The following PHC3 variants were observed in gnomAD, a reference collection of about 807,000 sequenced individuals.
PHC3 encodes polyhomeotic-like protein 3.
PHC3 carries 13 observed loss-of-function variants against 107.4 expected under a neutral mutation model. The ratio of observed to expected loss-of-function variants is 0.12; its 90% CI spans 0.08 to 0.19. PHC3 has a LOEUF of 0.19. Among genes scored for constraint, PHC3 ranks in the 10% least tolerant of loss-of-function variants. The pLI is 1.00. For synonymous variants in PHC3, 456 were observed against 427.4 expected (o/e 1.07, Z -0.83); for missense variants, 992 against 1,210.9 (o/e 0.82, Z 2.68).
intron 12 of PHC3, among the ~76,000 whole-genome samples, chr3:170,106,291 C>T (rs1310776712): frequency 4.6e-5 from 7 of 152,070 alleles, no homozygotes; most frequent in Non-Finnish European, 1.0e-4. Flanking sequence ...TCAGAAAAGA[C>T]AAGTATTTTG....
Position 170,176,205 on chromosome 3 carries a change from G to A in PHC3, c.180+2568C>T, listed in dbSNP as rs370894329. On this transcript the variant is annotated intron_variant, in intron 2 of 14. Coordinates refer to ENST00000495893, the MANE Select transcript of PHC3 (RefSeq NM_024947.4). ...CACGCCACCGCACTCCAGCCTGGGCGATAGAGCGAGACTCGGTCTCAAAAA... is the reference window on the plus strand; with the variant it reads ...CACGCCACCGCACTCCAGCCTGGGCAATAGAGCGAGACTCGGTCTCAAAAA... Among the ~76,000 whole-genome samples the A allele has an allele frequency of 1.1e-3, 145 of 135,418 alleles. 4 individuals are homozygous for A. The East Asian group carries it at 0.025, about 24-fold the overall frequency. The allele number at this position is 135,418 out of a possible 152,430, so 88.8% of individuals were successfully genotyped here.
At chr3:170,166,940 C>A (rs550009508) in intron 4 of PHC3, among the ~76,000 whole-genome samples, 1 of 152,276 alleles carries the variant, frequency 6.6e-6, no homozygotes, top group Admixed American at 6.5e-5. Flanking sequence ...CAAGCATGAG[C>A]CACCATTCTC....
intron 6 of PHC3, 22 bp downstream of exon 6, chr3:170,145,401 T>C (rs1430340773): frequency 1.3e-6 from 2 of 1,592,248 alleles, no homozygotes; most frequent in East Asian, 2.2e-5. Context: ...AAGTAACACA[T>C]TATGAAGCTA....
chr3:170,117,002 A>T (rs1489654699), intron 10 of PHC3: 1 of 526,054 alleles, frequency 1.9e-6, no homozygotes, highest in Admixed American at 3.3e-5. Context: ...ATGTCCTGAA[A>T]TTTTTTTCAT....
chr3:170,174,155 T>G (rs1022622041), intron 2 of PHC3, among the ~76,000 whole-genome samples: 2 of 151,648 alleles, frequency 1.3e-5, no homozygotes, highest in African/African-American at 4.9e-5. Context: ...ATCATGCCAC[T>G]GCACTCCAGC....
intron 4 of PHC3, among the ~76,000 whole-genome samples, chr3:170,150,879 A>G (rs938022536): frequency 6.6e-6 from 1 of 151,964 alleles, no homozygotes; most frequent in African/African-American, 2.4e-5. Context: ...TTATCTTTCT[A>G]ATTTTAGACC....
chr3:170,088,694 T>A lies in PHC3; in HGVS notation c.*8536A>T, dbSNP rs1713752347. ...CAGCATAACATATTTGAAGAATTAG[T>A]TACACTTTAAAAATTAAAACACTTG... On this transcript the variant is annotated 3_prime_UTR_variant, in exon 15 of 15. Coordinates refer to ENST00000495893, the MANE Select transcript of PHC3 (RefSeq NM_024947.4). 1 of 152,224 alleles carries A rather than the reference T, an allele frequency of 6.6e-6. No homozygotes were observed. The highest frequency in any genetic ancestry group is 2.4e-5 in the African/African-American group (1 of 41,460). The allele number at this position is 152,224 out of a possible 1,614,324, so 9.4% of individuals were successfully genotyped here.
chr3:170,143,335 C>T (rs1050170539), intron 6 of PHC3, among the ~76,000 whole-genome samples: 3 of 151,736 alleles, frequency 2.0e-5, no homozygotes, highest in Non-Finnish European at 4.4e-5. Flanking sequence ...GAAAAAAAGT[C>T]CAATAAAGTT....
chr3:170,129,896 C>T (rs1387791880), intron 7 of PHC3, among the ~76,000 whole-genome samples: 3 of 152,128 alleles, frequency 2.0e-5, no homozygotes, highest in African/African-American at 2.4e-5. Flanking sequence ...GACGGGGTTT[C>T]ACCACGTTGG....
At chr3:170,151,229 T>C (rs1286493585) in intron 4 of PHC3, among the ~76,000 whole-genome samples, 4 of 151,988 alleles carry the variant, frequency 2.6e-5, no homozygotes, top group Admixed American at 6.6e-5. Context: ...GTAATAATAA[T>C]AATAATATTT....
At chr3:170,149,324 G>C in intron 4 of PHC3, 80 bp from the exon 5 acceptor site, 1 of 1,364,454 alleles carries the variant, frequency 7.3e-7, no homozygotes, top group Non-Finnish European at 9.9e-7. Context: ...GCTGCAGTTA[G>C]GCAATCAATG....
chr3:170,125,714 G>A (rs962164804), intron 8 of PHC3, among the ~76,000 whole-genome samples: 1 of 152,092 alleles, frequency 6.6e-6, no homozygotes, highest in Non-Finnish European at 1.5e-5. Context: ...CTAACTATAT[G>A]TACTTCCAGA....
At position 170,181,719 on chromosome 3, in the gene PHC3, C is replaced by T. The variant is rs761154677; in HGVS notation, c.-4G>A. The T allele has an allele frequency of 2.0e-5, 32 of 1,613,028 alleles. No individual in the cohort carries two copies. The highest frequency in any genetic ancestry group is 3.3e-5 in the Admixed American group (2 of 60,022). On this transcript the variant is annotated 5_prime_UTR_variant, in exon 1 of 15. Transcript: ENST00000495893. The stretch of plus-strand genomic sequence containing the variant: ...TCACTCACTCCGCTTCCGCCATCTT[C>T]TCTCCTCCATCACTAACATGGGCTG...
rs1410828401 is a variant in PHC3, at chr3:170,097,780, G to A, written c.2834-396C>T. Among the ~76,000 whole-genome samples the A allele has an allele frequency of 3.3e-5, 5 of 152,086 alleles. No individual in the cohort carries two copies. The highest frequency in any genetic ancestry group is 1.5e-5 in the Non-Finnish European group (1 of 68,022). ...TGTATAATATATCCTTCACATATAG[G>A]TAAAGAGGAAACAAAAATATGTTTT... On this transcript the variant is annotated intron_variant, in intron 14 of 14. Transcript: ENST00000495893. The surrounding 1 kb of genome is among the most constrained non-coding windows in gnomAD (Gnocchi z 4.1).
At chr3:170,152,424 G>A (rs1726153977) in intron 4 of PHC3, among the ~76,000 whole-genome samples, 1 of 146,014 alleles carries the variant, frequency 6.8e-6, no homozygotes, top group Non-Finnish European at 1.5e-5. Flanking sequence ...CTGACCTCAC[G>A]ATCCCTCCCC....
chr3:170,123,293 TCAA>T (rs1720696869), intron 8 of PHC3, among the ~76,000 whole-genome samples: 1 of 151,932 alleles, frequency 6.6e-6, no homozygotes, highest in African/African-American at 2.4e-5. Context: ...TCTGTTCTAC[TCAA>T]CAATCTAATG....
intron 6 of PHC3, among the ~76,000 whole-genome samples, chr3:170,143,439 TA>T (rs779159981): frequency 6.6e-6 from 1 of 152,180 alleles, no homozygotes; most frequent in Non-Finnish European, 1.5e-5. Context: ...CCTTTACTTG[TA>T]AATGAAATAA....
At chr3:170,099,352 A>G (rs1315235090) in intron 14 of PHC3, among the ~76,000 whole-genome samples, 1 of 152,262 alleles carries the variant, frequency 6.6e-6, no homozygotes, top group Non-Finnish European at 1.5e-5. Context: ...CCACAAAAAA[A>G]GTATAGTTAC....
intron 2 of PHC3, among the ~76,000 whole-genome samples, chr3:170,178,099 A>G (rs1198931173): frequency 6.6e-6 from 1 of 151,862 alleles, no homozygotes; most frequent in Non-Finnish European, 1.5e-5. Context: ...AAGGGTGATT[A>G]GGCCATAAGG....
Sources: allele counts gnomAD v4.1 joint callset (sites outside exome capture counted in the v4.1 genomes callset), GRCh38; gene constraint gnomAD v4.1.1; non-coding constraint Gnocchi (gnomAD v3.1); transcripts MANE v1.5; gene names NCBI Gene and HGNC (gene_info 2026-07-23, HGNC 2026-07-21).